PTK2: variants seen among roughly 807,000 people sequenced by gnomAD.
The protein encoded by PTK2 is focal adhesion kinase 1.
Under a neutral mutation model 150.1 loss-of-function variants are expected in PTK2, and 45 were observed. The ratio of observed to expected loss-of-function variants is 0.30; its 90% CI spans 0.24 to 0.38. The LOEUF (loss-of-function observed/expected upper bound fraction) is 0.38. Among genes scored for constraint, PTK2 ranks in the 10% least tolerant of loss-of-function variants. PTK2 has a pLI of 1.00. For synonymous variants in PTK2, 432 were observed against 449.2 expected (o/e 0.96, Z 0.48); for missense variants, 919 against 1,307.3 (o/e 0.70, Z 4.58).
At chr8:140,976,006 T>C (rs915545947) in intron 1 of PTK2, among the ~76,000 whole-genome samples, 2 of 152,328 alleles carry the variant, frequency 1.3e-5, no homozygotes, top group Non-Finnish European at 1.5e-5. Flanking sequence ...CTGTTAAAGA[T>C]ACTATTAACA....
intron 1 of PTK2, among the ~76,000 whole-genome samples, chr8:140,976,399 T>C (rs1281829312): frequency 3.3e-5 from 5 of 152,180 alleles, no homozygotes; most frequent in Non-Finnish European, 5.9e-5. Context: ...AAAAATGAAA[T>C]GGACACCCAA....
At chr8:140,671,641 C>T (rs1430054068) in intron 29 of PTK2, among the ~76,000 whole-genome samples, 1 of 150,828 alleles carries the variant, frequency 6.6e-6, no homozygotes, top group Non-Finnish European at 1.5e-5. Flanking sequence ...AGGTCGGGTG[C>T]GGTGGCTCAT....
At chr8:140,854,092 C>T (rs531325476) in intron 5 of PTK2, among the ~76,000 whole-genome samples, 2 of 152,280 alleles carry the variant, frequency 1.3e-5, no homozygotes, top group South Asian at 2.1e-4. Context: ...AGATTCTATA[C>T]CATAGAGTTA....
chr8:140,697,986 C>G (rs1320433512), intron 26 of PTK2, among the ~76,000 whole-genome samples: 1 of 149,246 alleles, frequency 6.7e-6, no homozygotes, highest in Non-Finnish European at 1.5e-5. Flanking sequence ...CTGTGCCTGG[C>G]TGGAATATAG....
intron 2 of PTK2, among the ~76,000 whole-genome samples, chr8:140,914,892 G>C (rs2100164596): frequency 6.6e-6 from 1 of 151,914 alleles, no homozygotes; most frequent in Non-Finnish European, 1.5e-5. Flanking sequence ...AATTAGCCGG[G>C]CATAGTGGTG....
At chr8:140,781,320 T>G (rs2100081558) in intron 14 of PTK2, among the ~76,000 whole-genome samples, 1 of 152,228 alleles carries the variant, frequency 6.6e-6, no homozygotes, top group African/African-American at 2.4e-5. Context: ...ATTGAGAAGT[T>G]TATTAATTAT....
intron 11 of PTK2, 128 bp downstream of exon 11, chr8:140,803,415 T>C: frequency 1.4e-6 from 1 of 732,270 alleles, no homozygotes; most frequent in East Asian, 2.7e-5. Flanking sequence ...TGTAACCCTT[T>C]CTATATATAA....
chr8:140,951,145 C>A (rs941621802), intron 1 of PTK2, among the ~76,000 whole-genome samples: 1 of 152,080 alleles, frequency 6.6e-6, no homozygotes, highest in African/African-American at 2.4e-5. Context: ...GCCACATTAA[C>A]CCTGAAAATT....
intron 1 of PTK2, among the ~76,000 whole-genome samples, chr8:140,989,232 A>AT (rs1422936695): frequency 2.7e-5 from 4 of 150,512 alleles, no homozygotes; most frequent in African/African-American, 9.7e-5. Context: ...AAAAAAAAAA[A>AT]AAAAAAAATT....
intron 14 of PTK2, chr8:140,771,184 A>C (rs1483849902): frequency 6.5e-6 from 1 of 153,108 alleles, no homozygotes; most frequent in South Asian, 2.0e-4. Flanking sequence ...AAAATAGCAG[A>C]TCTTCATTTG....
At chr8:140,818,495 A>AAT (rs1294543802) in intron 9 of PTK2, 141 bp from the exon 10 acceptor site, 1 of 718,210 alleles carries the variant, frequency 1.4e-6, no homozygotes, top group African/African-American at 1.8e-5. Flanking sequence ...AATAAGATAA[A>AAT]ATATTTATAA....
At chr8:140,979,713 G>A (rs1457351080) in intron 1 of PTK2, among the ~76,000 whole-genome samples, 1 of 152,062 alleles carries the variant, frequency 6.6e-6, no homozygotes, top group African/African-American at 2.4e-5. Flanking sequence ...ATCATAAGGC[G>A]GGCTCTTTCC....
chr8:140,772,430 G>A (rs1172681189), intron 14 of PTK2, among the ~76,000 whole-genome samples: 2 of 152,202 alleles, frequency 1.3e-5, no homozygotes, highest in Non-Finnish European at 2.9e-5. Flanking sequence ...GTCTCGCCAA[G>A]ATGGGCCTGA....
intron 2 of PTK2, 110 bp downstream of exon 2, chr8:140,925,551 A>T (rs2100169130): frequency 3.0e-6 from 2 of 668,356 alleles, no homozygotes; most frequent in Non-Finnish European, 3.7e-6. Flanking sequence ...AGTCATAATA[A>T]ATCTAATCAC....
chr8:140,870,703 T>TA (rs1181711397), intron 4 of PTK2, among the ~76,000 whole-genome samples: 1 of 152,162 alleles, frequency 6.6e-6, no homozygotes, highest in Non-Finnish European at 1.5e-5. Context: ...TACAAAGACT[T>TA]AAAAGACAAA....
intron 22 of PTK2, among the ~76,000 whole-genome samples, chr8:140,723,662 C>A (rs1371321269): frequency 1.3e-5 from 2 of 152,218 alleles, no homozygotes; most frequent in Non-Finnish European, 2.9e-5. Flanking sequence ...CTAATGTGAA[C>A]TGGCAACAAA....
rs928245161 is a variant in PTK2 at position 140,849,615 on chromosome 8, C to T, written c.451-2937G>A. ...CTGTGAGGTGGGTACTATTATCATC[C>T]CCATTTTATAGCCTCAGAAAAAGCC... On this transcript the variant is annotated intron_variant, in intron 5 of 31. Coordinates refer to ENST00000522684, the Ensembl canonical transcript of PTK2. Among the ~76,000 whole-genome samples, 4 of 152,242 alleles carry T rather than the reference C, an allele frequency of 2.6e-5. No homozygotes were observed. In the East Asian group the frequency reaches 7.7e-4, roughly 29 times the overall value.
At chr8:140,914,975 G>A (rs2100164650) in intron 2 of PTK2, among the ~76,000 whole-genome samples, 1 of 147,438 alleles carries the variant, frequency 6.8e-6, no homozygotes, top group Admixed American at 6.9e-5. Flanking sequence ...AGAGGTTGCG[G>A]TGAGCCGAGA....
chr8:140,709,689 G>A (rs949628540), intron 23 of PTK2, among the ~76,000 whole-genome samples: 4 of 152,202 alleles, frequency 2.6e-5, no homozygotes, highest in African/African-American at 9.6e-5. Flanking sequence ...GAGTCCAAAA[G>A]TGTCAACTGC....
Sources: allele counts gnomAD v4.1 joint callset (sites outside exome capture counted in the v4.1 genomes callset), GRCh38; gene constraint gnomAD v4.1.1; transcripts MANE v1.5; gene names NCBI Gene and HGNC (gene_info 2026-07-23, HGNC 2026-07-21).